ABL2: variants seen among roughly 807,000 people sequenced by gnomAD.
ABL2 encodes the protein ABL proto-oncogene 2, non-receptor tyrosine kinase.
A neutral mutation model predicts 107.7 loss-of-function variants in ABL2; 49 were observed. The observed-to-expected ratio is 0.45, with a 90% CI of 0.36 to 0.58. The LOEUF is 0.58. Among genes scored for constraint, ABL2 ranks in the 20% least tolerant of loss-of-function variants. ABL2 has a pLI of 0.00. For missense variants in ABL2, 1,245 were observed against 1,457.0 expected, an observed-to-expected ratio of 0.85 and a Z score of 2.37; for synonymous variants, 549 against 548.6, an observed-to-expected ratio of 1.00 and a Z score of -0.01.
intron 1 of ABL2, among the ~76,000 whole-genome samples, chr1:179,189,336 G>C (rs1557985670): frequency 6.6e-6 from 1 of 152,108 alleles, no homozygotes; most frequent in Non-Finnish European, 1.5e-5. Flanking sequence ...GTTTCACCAT[G>C]TTGGCCAGGC....
chr1:179,208,945 T>C (rs1292282756), intron 1 of ABL2, among the ~76,000 whole-genome samples: 3 of 152,182 alleles, frequency 2.0e-5, no homozygotes, highest in African/African-American at 4.8e-5. Flanking sequence ...GATGTAATAA[T>C]ACTACCAAAA....
At chr1:179,167,843 T>C (rs1659480043) in intron 1 of ABL2, among the ~76,000 whole-genome samples, 1 of 152,100 alleles carries the variant, frequency 6.6e-6, no homozygotes. Context: ...CTGCGGGGTG[T>C]GGTGGCAGGC....
At chr1:179,127,433 A>G (rs1655835489) in intron 3 of ABL2, among the ~76,000 whole-genome samples, 1 of 152,226 alleles carries the variant, frequency 6.6e-6, no homozygotes, top group Admixed American at 6.5e-5. Flanking sequence ...GAAGTTGGAA[A>G]CCAAAACCCA....
intron 1 of ABL2, among the ~76,000 whole-genome samples, chr1:179,145,899 T>TA (rs2102717840): frequency 6.6e-6 from 1 of 151,080 alleles, no homozygotes; most frequent in Non-Finnish European, 1.5e-5. Flanking sequence ...ATCTCCATTT[T>TA]TTTTTTTTTT....
chr1:179,211,803 A>AAAG (rs1395051905), intron 1 of ABL2, among the ~76,000 whole-genome samples: 1 of 151,932 alleles, frequency 6.6e-6, no homozygotes, highest in East Asian at 1.9e-4. Flanking sequence ...AAAAAAAAAA[A>AAAG]AAATTTAAAT....
chr1:179,198,165 C>T (rs1661430384), intron 1 of ABL2, among the ~76,000 whole-genome samples: 1 of 146,580 alleles, frequency 6.8e-6, no homozygotes, highest in Non-Finnish European at 1.5e-5. Flanking sequence ...AGAGTGAAAC[C>T]CTGTGCCAAA....
chr1:179,099,636 T>C lies in ABL2; in HGVS notation c.*8082A>G, dbSNP rs747512627. 7.8e-5 allele frequency: 18 copies of C among 231,394 alleles called. No individual in the cohort carries two copies. Among genetic ancestry groups the C allele is most frequent in the Non-Finnish European group, 3.4e-5 (4 of 116,940 alleles). 14.3% of individuals were successfully genotyped at this position (231,394 alleles called of 1,614,324 possible). A position where few individuals can be genotyped will look rare whatever the true frequency, so the allele number is the denominator to read the frequency against. On this transcript the variant is annotated 3_prime_UTR_variant, in exon 12 of 12. Transcript: ENST00000502732. ...CCTTAGCAATGCACACAGTGCCCGATGCTCCAAACCTCACCCTCTGTGCAC... is the reference window on the plus strand; with the variant it reads ...CCTTAGCAATGCACACAGTGCCCGACGCTCCAAACCTCACCCTCTGTGCAC...
Position 179,108,500 on chromosome 1 carries a change from G to A in ABL2, c.2767C>T (p.Leu923Phe), listed in dbSNP as rs1653691852. 3 of 1,614,224 alleles carry A rather than the reference G, an allele frequency of 1.9e-6. No homozygotes were observed. Among genetic ancestry groups the A allele is most frequent in the Non-Finnish European group, 1.7e-6 (2 of 1,180,044 alleles). Residue 923 changes from leucine to phenylalanine, a missense_variant, in exon 12 of 12, where the codon CTC becomes TTC. Leu to Phe is a conservative substitution (Grantham distance 22, BLOSUM62 0). This residue lies in a region of ABL2 where 761 missense variants were observed against 766.4 expected (regional missense o/e 0.99). Transcript: ENST00000502732. Reference sequence around the variant, plus strand: ...ACTTTGTGGTTGTGAGTGGTTGGGAGGACGGGGGCAGCCTTGGCTGGAGAA... The same window carrying A: ...ACTTTGTGGTTGTGAGTGGTTGGGAAGACGGGGGCAGCCTTGGCTGGAGAA... ...WPSPAKAAPV[L>F]PTTHNHKVPV...
In ABL2 at chr1:179,107,621, T is replaced by C; in HGVS notation, c.*97A>G. The C allele has an allele frequency of 6.6e-7, 1 of 1,514,682 alleles. No individual in the cohort carries two copies. Among genetic ancestry groups the C allele is most frequent in the Non-Finnish European group, 8.8e-7 (1 of 1,134,754 alleles). 93.8% of individuals were successfully genotyped at this position (1,514,682 alleles called of 1,614,324 possible). A position where few individuals can be genotyped will look rare whatever the true frequency, so the allele number is the denominator to read the frequency against. On this transcript the variant is annotated 3_prime_UTR_variant, in exon 12 of 12. Coordinates refer to ENST00000502732, the MANE Select transcript of ABL2 (RefSeq NM_007314.4). Reference sequence around the variant, plus strand: ...TACTTCACATAAACACACTCAAGTATGAGTCTTTCATTTTCTGAAAACAAG... The same window carrying C: ...TACTTCACATAAACACACTCAAGTACGAGTCTTTCATTTTCTGAAAACAAG...
rs1186637889 is a variant in ABL2 at position 179,109,005 on chromosome 1, T to C, written c.2262A>G (p.Pro754=). The change falls in exon 12 of 12, where the codon CCA becomes CCG. Residue 754 remains proline (P), a synonymous_variant. Coordinates refer to ENST00000502732, the MANE Select transcript of ABL2 (RefSeq NM_007314.4). ...GWSGITGFFT[P]RLIKKTLGLR... ...AGCCCAGTGTCTTTTTGATTAAGCG[T>C]GGTGTAAAGAAGCCTGTGATGCCAG... The C allele has an allele frequency of 1.2e-6, 2 of 1,613,902 alleles. No homozygotes were observed. The highest frequency in any genetic ancestry group is 2.2e-5 in the South Asian group (2 of 91,080).
At position 179,099,424 on chromosome 1, in the gene ABL2, CA is replaced by C. The variant is rs1315387384; in HGVS notation, c.*8293del. 9.4e-6 allele frequency: 2 copies of C among 213,568 alleles called. No homozygotes were observed. Among genetic ancestry groups the C allele is most frequent in the Non-Finnish European group, 1.9e-5 (2 of 105,772 alleles). The allele number at this position is 213,568 out of a possible 1,614,324, so 13.2% of individuals were successfully genotyped here. A position where few individuals can be genotyped will look rare whatever the true frequency, so the allele number is the denominator to read the frequency against. On this transcript the variant is annotated 3_prime_UTR_variant, in exon 12 of 12. Coordinates refer to ENST00000502732, the MANE Select transcript of ABL2 (RefSeq NM_007314.4). Reference sequence around the variant, plus strand: ...AGAAAGCAGTCCCTTTCAAGGGCCTCATTTATTTACATCAAGTTTAACACTG... The same window carrying C: ...AGAAAGCAGTCCCTTTCAAGGGCCTCTTTATTTACATCAAGTTTAACACTG...
chr1:179,217,627 A>C (rs79145793), intron 1 of ABL2, among the ~76,000 whole-genome samples: 1 of 147,576 alleles, frequency 6.8e-6, no homozygotes, highest in Non-Finnish European at 1.5e-5. Context: ...CTCCACCTCA[A>C]AAAAAAAAAA....
chr1:179,189,109 T>C (rs1212042978), intron 1 of ABL2, among the ~76,000 whole-genome samples: 3 of 152,118 alleles, frequency 2.0e-5, no homozygotes, highest in Non-Finnish European at 4.4e-5. Context: ...ACAATCTTCA[T>C]GTTGTTCTCG....
At chr1:179,146,671 C>T (rs557329042) in intron 1 of ABL2, among the ~76,000 whole-genome samples, 4 of 152,130 alleles carry the variant, frequency 2.6e-5, no homozygotes, top group Admixed American at 6.5e-5. Context: ...ATGCTGTTCT[C>T]GTGATGGTGA....
chr1:179,174,907 AAT>A (rs1476756522), intron 1 of ABL2, among the ~76,000 whole-genome samples: 1,564 of 114,758 alleles, frequency 0.014, 60 homozygotes, highest in East Asian at 0.047. Context: ...AAAAAAAAAA[AAT>A]AAAATAAAAA....
chr1:179,143,482 CT>C (rs1236534085), intron 1 of ABL2, among the ~76,000 whole-genome samples: 1 of 152,124 alleles, frequency 6.6e-6, no homozygotes, highest in African/African-American at 2.4e-5. Flanking sequence ...AAGGAAACGC[CT>C]AACAAGACTC....
chr1:179,196,776 C>A (rs10158234), intron 1 of ABL2, among the ~76,000 whole-genome samples: 12,706 of 140,746 alleles, frequency 0.09, 577 homozygotes, highest in African/African-American at 0.097. Context: ...AACAAACAAA[C>A]AAAAAAAAAC....
intron 1 of ABL2, among the ~76,000 whole-genome samples, chr1:179,218,634 G>C (rs1434317472): frequency 6.6e-6 from 1 of 152,170 alleles, no homozygotes; most frequent in African/African-American, 2.4e-5. Flanking sequence ...TCCTGACCTT[G>C]TGATCCACCT....
intron 2 of ABL2, among the ~76,000 whole-genome samples, chr1:179,131,787 G>A (rs1656356404): frequency 6.6e-6 from 1 of 152,042 alleles, no homozygotes; most frequent in African/African-American, 2.4e-5. Flanking sequence ...TTCTCAAAAT[G>A]GAAAAAAGAA....
Sources: gnomAD v4.1 joint callset for allele counts (sites outside exome capture counted in the v4.1 genomes callset) on GRCh38, gnomAD v4.1.1 for gene constraint, gnomAD v4.1.1 regional missense constraint, MANE v1.5 for transcripts, NCBI Gene and HGNC (gene_info 2026-07-23, HGNC 2026-07-21) for gene names.